The following CEP192 variants were observed in gnomAD, a reference collection of about 807,000 sequenced individuals.
CEP192 encodes the protein centrosomal protein 192.
Under a neutral mutation model 271.8 loss-of-function variants are expected in CEP192, and 151 were observed. The ratio of observed to expected loss-of-function variants is 0.56; its 90% CI spans 0.49 to 0.64. CEP192 has a LOEUF of 0.64. Ranked by LOEUF, CEP192 falls within the 30% of genes least tolerant of loss-of-function variation. CEP192 has a pLI of 0.00. For synonymous variants in CEP192, 995 were observed against 1,076.5 expected, an observed-to-expected ratio of 0.92 and a Z score of 1.48; for missense variants, 2,910 against 3,020.5, an observed-to-expected ratio of 0.96 and a Z score of 0.86.
At chr18:13,055,678 C>G in intron 18 of CEP192, 102 bp from the exon 19 acceptor site, 1 of 783,574 alleles carries the variant, frequency 1.3e-6, no homozygotes, top group Non-Finnish European at 2.0e-6. Context: ...AAAGAGACAC[C>G]TCATGCACAT....
rs752135718 is a variant in CEP192, at chr18:13,069,785, C to T, written c.5103C>T (p.Leu1701=). The T allele has an allele frequency of 8.1e-6, 13 of 1,601,780 alleles. No homozygotes were observed. Among genetic ancestry groups the T allele is most frequent in the Non-Finnish European group, 1.0e-5 (12 of 1,169,364 alleles). ...SHFSVDPKNL[L]LKPGEEHEVI... is the part of the protein sequence containing the mutation. ...TTTCAGTGGATCCAAAGAATCTACT[C>T]CTTAAACCTGGAGAAGAACATGAGG... The change falls in exon 27 of 45, where the codon CTC becomes CTT. Residue 1701 remains leucine, a synonymous_variant. Coordinates refer to ENST00000506447, the MANE Select transcript of CEP192 (RefSeq NM_032142.4).
intron 15 of CEP192, among the ~76,000 whole-genome samples, chr18:13,045,628 T>C (rs2036433997): frequency 6.6e-6 from 1 of 152,368 alleles, no homozygotes. Context: ...ACCATGATTG[T>C]GGGTTTGTTA....
chr18:13,004,515 C>T (rs146590838), intron 3 of CEP192, among the ~76,000 whole-genome samples: 9 of 152,076 alleles, frequency 5.9e-5, no homozygotes, highest in East Asian at 1.9e-4. Context: ...GGTGGGAGGA[C>T]GGCCTGGGTG....
chr18:13,087,585 A>G lies in CEP192; in HGVS notation c.5932A>G (p.Thr1978Ala). The G allele has an allele frequency of 6.3e-7, 1 of 1,588,210 alleles. No individual in the cohort carries two copies. Among genetic ancestry groups the G allele is most frequent in the Non-Finnish European group, 8.6e-7 (1 of 1,167,224 alleles). ...SDRGINNKTA[T>A]ELSTVYLFGG... ...CAGAGGAATCAATAATAAAACTGCA[A>G]CAGAACTATCAACTGTATACTTATT... Residue 1978 changes from threonine (T) to alanine (A), a missense_variant, in exon 32 of 45, where the codon ACA (threonine) becomes GCA (alanine). Thr to Ala is a moderately conservative substitution (Grantham distance 58). Transcript: ENST00000506447.
chr18:13,106,612 C>T (rs2039965719), intron 40 of CEP192, among the ~76,000 whole-genome samples: 1 of 151,896 alleles, frequency 6.6e-6, no homozygotes, highest in Admixed American at 6.6e-5. Flanking sequence ...CCACTCACCA[C>T]TGCTGTCACC....
intron 33 of CEP192, 112 bp downstream of exon 33, chr18:13,089,677 G>A: frequency 1.7e-6 from 1 of 581,150 alleles, no homozygotes; most frequent in East Asian, 3.0e-5. Flanking sequence ...GCAGTGTCAG[G>A]CAGAGTTTGA....
chr18:13,027,929 C>T (rs2035396057), intron 9 of CEP192, among the ~76,000 whole-genome samples: 1 of 151,812 alleles, frequency 6.6e-6, no homozygotes, highest in Non-Finnish European at 1.5e-5. Context: ...ATGTTTTAGG[C>T]TTTAATGTGT....
At chr18:13,034,696 G>C (rs2035820277) in intron 11 of CEP192, among the ~76,000 whole-genome samples, 1 of 151,370 alleles carries the variant, frequency 6.6e-6, no homozygotes, top group African/African-American at 2.4e-5. Flanking sequence ...GGCACCTGTA[G>C]TCCCAGCTAC....
chr18:13,060,929 G>GAAAA (rs10716258), intron 21 of CEP192, among the ~76,000 whole-genome samples: 1 of 148,210 alleles, frequency 6.7e-6, no homozygotes, highest in African/African-American at 2.5e-5. Context: ...GTCTTAAAAG[G>GAAAA]AAAAAAAAAA....
Position 13,018,491 on chromosome 18 carries a change from C to T in CEP192, c.801C>T (p.Asn267=), listed in dbSNP as rs140768935. 7.7e-5 allele frequency: 118 copies of T among 1,525,150 alleles called. 1 individual carries two copies. In the East Asian group the frequency reaches 2.1e-3, roughly 27 times the overall value. The allele number at this position is 1,525,150 out of a possible 1,614,324, so 94.5% of individuals were successfully genotyped here. A position where few individuals can be genotyped will look rare whatever the true frequency, so the allele number is the denominator to read the frequency against. The change falls in exon 8 of 45, where the codon AAC becomes AAT. Residue 267 remains asparagine (N), a synonymous_variant. Coordinates refer to ENST00000506447, the MANE Select transcript of CEP192 (RefSeq NM_032142.4). ...TATTCTTTCAACAGGCAAATGAAAA[C>T]GGTAGCTTAAACTGCAAGTTTCAAT... is the stretch of plus-strand genomic sequence containing the variant. The part of the protein sequence containing the change: ...PTNGLRQANE[N]GSLNCKFQSE...
At position 13,100,452 on chromosome 18, in the gene CEP192, A is replaced by C; in HGVS notation, c.6811A>C (p.Lys2271Gln). The C allele has an allele frequency of 6.2e-7, 1 of 1,614,096 alleles. No individual in the cohort carries two copies. The change falls in exon 38 of 45, where the codon AAA becomes CAA. Residue 2271 changes from lysine to glutamine, a missense_variant. Transcript: ENST00000506447. ...ACCAATGACAAAACCGCCTTCCACAAAAGTTGAAATAAGAAACAAGAGTAT... is the reference window on the plus strand; with the variant it reads ...ACCAATGACAAAACCGCCTTCCACACAAGTTGAAATAAGAAACAAGAGTAT... The part of the protein sequence containing the change: ...VKPMTKPPST[K>Q]VEIRNKSITF...
intron 1 of CEP192, among the ~76,000 whole-genome samples, chr18:12,998,063 CTTTTTA>C (rs2033372527): frequency 1.3e-5 from 2 of 152,100 alleles, no homozygotes; most frequent in Non-Finnish European, 2.9e-5. Context: ...TCTTCTTTTT[CTTTTTA>C]TATTTTATAA....
chr18:12,998,822 T>C (rs2033425127), intron 1 of CEP192, among the ~76,000 whole-genome samples: 1 of 152,242 alleles, frequency 6.6e-6, no homozygotes, highest in Non-Finnish European at 1.5e-5. Context: ...TCAGGTTCTC[T>C]AGTAATAGCA....
chr18:13,095,950 G>C (rs1302985648), intron 35 of CEP192, among the ~76,000 whole-genome samples: 1 of 152,182 alleles, frequency 6.6e-6, no homozygotes, highest in Non-Finnish European at 1.5e-5. Context: ...GTTCAGAGTA[G>C]AGTGAATCTG....
At chr18:13,035,531 G>A (rs1270680487) in intron 11 of CEP192, among the ~76,000 whole-genome samples, 3 of 152,194 alleles carry the variant, frequency 2.0e-5, no homozygotes, top group Non-Finnish European at 4.4e-5. Flanking sequence ...CCATGTTTCA[G>A]TTATCTCCCC....
At position 13,029,826 on chromosome 18, in the gene CEP192, A is replaced by T; in HGVS notation, c.1214A>T (p.His405Leu). 3 of 1,551,722 alleles carry T rather than the reference A, an allele frequency of 1.9e-6. No homozygotes were observed. Among genetic ancestry groups the T allele is most frequent in the Non-Finnish European group, 1.7e-6 (2 of 1,146,988 alleles). The change falls in exon 10 of 45, where the codon CAC becomes CTC. Residue 405 changes from histidine to leucine, a missense_variant. By Grantham distance (99) the His-to-Leu change is moderately conservative. Coordinates refer to ENST00000506447, the MANE Select transcript of CEP192 (RefSeq NM_032142.4). The part of the protein sequence containing the change: ...ECPHQNKTVL[H>L]MDGCLDTETP... ...CCTCACCAAAATAAGACAGTTTTGC[A>T]CATGGATGGATGTTTAGACACTGAG...
chr18:13,080,194 G>T (rs997981219), intron 30 of CEP192, among the ~76,000 whole-genome samples: 1 of 152,160 alleles, frequency 6.6e-6, no homozygotes, highest in Non-Finnish European at 1.5e-5. Flanking sequence ...GTAGCTTGAT[G>T]GGGATGGCAT....
chr18:13,049,799 TG>T lies in CEP192; in HGVS notation c.2927del (p.Gly976AlafsTer16). ...KNTSPEHGGR[G>X]SEDEQESFRP... ...ATACCTCTCCTGAGCATGGTGGACGTGGCTCAGAGGATGAGCAGGAGAGCTT... is the reference window on the plus strand; with the variant it reads ...ATACCTCTCCTGAGCATGGTGGACGTGCTCAGAGGATGAGCAGGAGAGCTT... On this transcript the variant is annotated frameshift_variant, in exon 17 of 45. Coordinates refer to ENST00000506447, the MANE Select transcript of CEP192 (RefSeq NM_032142.4). LOFTEE classifies it high-confidence loss of function. 1 of 1,613,802 alleles carries T rather than the reference TG, an allele frequency of 6.2e-7. No homozygotes were observed. Among genetic ancestry groups the T allele is most frequent in the Non-Finnish European group, 8.5e-7 (1 of 1,179,852 alleles).
At chr18:13,025,844 C>T (rs1295291654) in intron 9 of CEP192, among the ~76,000 whole-genome samples, 2 of 152,106 alleles carry the variant, frequency 1.3e-5, no homozygotes, top group Admixed American at 6.5e-5. Context: ...TACACGTAAG[C>T]ATACATAATT....
Sources: gnomAD v4.1 joint callset for allele counts (sites outside exome capture counted in the v4.1 genomes callset) on GRCh38, gnomAD v4.1.1 for gene constraint, MANE v1.5 for transcripts, NCBI Gene and HGNC (gene_info 2026-07-23, HGNC 2026-07-21) for gene names.